Variants in ARMC3 observed in about 807,000 individuals in gnomAD.
The protein encoded by ARMC3 is armadillo repeat containing 3, also known as armadillo repeat-containing protein 3.
In ARMC3, 74 loss-of-function variants were observed where a neutral mutation model predicts 90.3. The ratio of observed to expected loss-of-function variants is 0.82; its 90% confidence interval spans 0.68 to 0.99. ARMC3 has a LOEUF of 0.99. Among genes scored for constraint, ARMC3 ranks in the 50% least tolerant of loss-of-function variants. The pLI, the probability that ARMC3 is intolerant of heterozygous loss-of-function variation, is 0.00. For missense variants in ARMC3, 958 were observed against 1,042.8 expected, an observed-to-expected ratio of 0.92 and a Z score of 1.12; for synonymous variants, 334 against 361.8, an observed-to-expected ratio of 0.92 and a Z score of 0.87.
chr10:23,034,903 C>T (rs146798659), intron 18 of ARMC3, among the ~76,000 whole-genome samples: 126 of 152,316 alleles, frequency 8.3e-4, no homozygotes, highest in African/African-American at 3.0e-3. Context: ...CTTCATCCTT[C>T]AAACCTCCCC....
At chr10:22,984,627 A>G (rs1233678018) in intron 10 of ARMC3, among the ~76,000 whole-genome samples, 1 of 152,164 alleles carries the variant, frequency 6.6e-6, no homozygotes, top group Non-Finnish European at 1.5e-5. Context: ...GAGCAATTTT[A>G]GTAGCAATCA....
At chr10:22,950,334 G>A (rs1834697194) in intron 3 of ARMC3, among the ~76,000 whole-genome samples, 2 of 151,952 alleles carry the variant, frequency 1.3e-5, no homozygotes, top group South Asian at 4.1e-4. Context: ...GGCAACAACA[G>A]CCCCAACATA....
chr10:22,958,824 C>T (rs758412791), intron 4 of ARMC3, among the ~76,000 whole-genome samples: 8 of 152,108 alleles, frequency 5.3e-5, no homozygotes, highest in Non-Finnish European at 8.8e-5. Flanking sequence ...CAGGTTCAAG[C>T]GATTCTCCTG....
chr10:22,941,584 A>C (rs2131166294), intron 2 of ARMC3, among the ~76,000 whole-genome samples: 1 of 152,354 alleles, frequency 6.6e-6, no homozygotes, highest in South Asian at 2.1e-4. Flanking sequence ...TTTATTAAAT[A>C]AATGAATTAA....
At chr10:22,955,269 G>A (rs1834885264) in intron 3 of ARMC3, 1 of 152,350 alleles carries the variant, frequency 6.6e-6, no homozygotes, top group African/African-American at 2.4e-5. Context: ...TAAAATTAAT[G>A]TGATGACATC....
intron 2 of ARMC3, among the ~76,000 whole-genome samples, chr10:22,944,553 C>T (rs1834450953): frequency 6.6e-6 from 1 of 152,172 alleles, no homozygotes; most frequent in Non-Finnish European, 1.5e-5. Flanking sequence ...TTTTGCACTT[C>T]ATAAAATCCT....
At chr10:22,968,523 A>C (rs1835545134) in intron 8 of ARMC3, 34 bp downstream of exon 8, 1 of 1,515,530 alleles carries the variant, frequency 6.6e-7, no homozygotes, top group Admixed American at 2.1e-5. Context: ...ATTTTGAGAT[A>C]GGATCTTGCT....
chr10:22,995,685 G>T (rs894421803), intron 10 of ARMC3, among the ~76,000 whole-genome samples: 3 of 152,120 alleles, frequency 2.0e-5, no homozygotes, highest in Admixed American at 2.0e-4. Context: ...AAGCAGAAAG[G>T]CTGACTGTTC....
chr10:22,950,056 G>A (rs1040192799), intron 3 of ARMC3, among the ~76,000 whole-genome samples: 10 of 151,096 alleles, frequency 6.6e-5, no homozygotes, highest in Non-Finnish European at 1.5e-4. Context: ...TTTCAAAAAC[G>A]TAGGTGAAAT....
chr10:22,961,816 A>T (rs1176037322), intron 6 of ARMC3, 68 bp from the exon 7 acceptor site: 1 of 1,316,384 alleles, frequency 7.6e-7, no homozygotes, highest in Non-Finnish European at 1.0e-6. Context: ...GTTAGAAAAC[A>T]GAATTTCTCC....
chr10:23,036,917 AG>A (rs1238507376), intron 18 of ARMC3, among the ~76,000 whole-genome samples: 5 of 152,222 alleles, frequency 3.3e-5, no homozygotes, highest in Admixed American at 3.3e-4. Flanking sequence ...TGCATTTCAC[AG>A]CCAGGGAGAG....
chr10:22,953,378 C>G (rs756207383), intron 3 of ARMC3, among the ~76,000 whole-genome samples: 58 of 151,252 alleles, frequency 3.8e-4, no homozygotes, highest in Non-Finnish European at 5.8e-4. Context: ...TTTGTTATTA[C>G]AGCAGCAATA....
chr10:22,928,417 C>T (rs1833799257), intron 1 of ARMC3, among the ~76,000 whole-genome samples: 1 of 152,142 alleles, frequency 6.6e-6, no homozygotes, highest in Non-Finnish European at 1.5e-5. Context: ...GAGCCCTCCT[C>T]CTCTTTAAAT....
chr10:23,028,589 G>C (rs1838808394), intron 16 of ARMC3, among the ~76,000 whole-genome samples: 1 of 152,066 alleles, frequency 6.6e-6, no homozygotes, highest in Non-Finnish European at 1.5e-5. Context: ...TATTCCTTTT[G>C]GGTGTGTTTT....
At chr10:22,950,786 T>C (rs1834711667) in intron 3 of ARMC3, among the ~76,000 whole-genome samples, 1 of 152,068 alleles carries the variant, frequency 6.6e-6, no homozygotes, top group South Asian at 2.1e-4. Context: ...ACAACAGATA[T>C]GTCATGCTAG....
chr10:22,989,983 A>G (rs1335029330), intron 10 of ARMC3, among the ~76,000 whole-genome samples: 5 of 152,206 alleles, frequency 3.3e-5, no homozygotes, highest in African/African-American at 9.6e-5. Flanking sequence ...TTAGCTACTG[A>G]TTTTGTGAGG....
rs186732191 is a variant in ARMC3, at chr10:22,959,016, C to T, written c.293-54C>T. The T allele has an allele frequency of 1.5e-5, 22 of 1,420,232 alleles. No homozygotes were observed. The African/African-American group carries it at 2.8e-4, about 18-fold the overall frequency. The allele number at this position is 1,420,232 out of a possible 1,614,324, so 88.0% of individuals were successfully genotyped here. ...GGGATTACAGGCATGAGCCACCACACCCGGCCTATTATTATTATTAATAAA... is the reference window on the plus strand; with the variant it reads ...GGGATTACAGGCATGAGCCACCACATCCGGCCTATTATTATTATTAATAAA... On this transcript the variant is annotated intron_variant, in intron 4 of 18. Coordinates refer to ENST00000298032, the MANE Select transcript of ARMC3 (RefSeq NM_173081.5).
chr10:22,929,890 T>C (rs1833864700), intron 1 of ARMC3, among the ~76,000 whole-genome samples: 1 of 152,180 alleles, frequency 6.6e-6, no homozygotes, highest in Admixed American at 6.5e-5. Flanking sequence ...TTCTTTAGCT[T>C]AGGAGACACT....
At chr10:22,963,945 A>C (rs1279771889) in intron 7 of ARMC3, among the ~76,000 whole-genome samples, 5 of 136,622 alleles carry the variant, frequency 3.7e-5, no homozygotes, top group Non-Finnish European at 6.7e-5. Context: ...AAAAAAAAAA[A>C]AAAAAGACTA....
Sources: allele counts gnomAD v4.1 joint callset (sites outside exome capture counted in the v4.1 genomes callset), GRCh38; gene constraint gnomAD v4.1.1; transcripts MANE v1.5; gene names NCBI Gene and HGNC (gene_info 2026-07-23, HGNC 2026-07-21).